The following ADAP1 variants were observed in gnomAD, a reference collection of about 807,000 sequenced individuals.
ADAP1 encodes ArfGAP with dual PH domains 1.
ADAP1 carries 31 observed loss-of-function variants against 54.9 expected under a neutral mutation model. The observed-to-expected ratio is 0.56, with a 90% confidence interval of 0.42 to 0.76. The LOEUF (loss-of-function observed/expected upper bound fraction) is 0.76, where lower values mean the gene tolerates loss of function less well. Among genes scored for constraint, ADAP1 ranks in the 30% least tolerant of loss-of-function variants. ADAP1 has a pLI of 0.00. For synonymous variants in ADAP1, 313 were observed against 202.6 expected (o/e 1.55, Z -4.63); for missense variants, 535 against 512.4 (o/e 1.04, Z -0.42).
chr7:898,310 G>A lies in ADAP1; in HGVS notation c.*611C>T, dbSNP rs548729010. ...CTGGGCGCAGAGGCCACGTGTGGTG[G>A]GACGGCAGCCTGCTGGCCCCTCCAG... On this transcript the variant is annotated 3_prime_UTR_variant, in exon 11 of 11. Coordinates refer to ENST00000265846, the MANE Select transcript of ADAP1 (RefSeq NM_006869.4). 1.1e-4 allele frequency: 18 copies of A among 164,918 alleles called. No homozygotes were observed. The East Asian group carries it at 3.1e-3, about 28-fold the overall frequency. 10.2% of individuals were successfully genotyped at this position (164,918 alleles called of 1,614,324 possible). A position where few individuals can be genotyped will look rare whatever the true frequency, so the allele number is the denominator to read the frequency against.
intron 6 of ADAP1, chr7:900,884 G>GGGCCGAAA: frequency 5.9e-6 from 3 of 512,264 alleles, no homozygotes; most frequent in Non-Finnish European, 1.1e-5. Flanking sequence ...AAGGGCCGAA[G>GGGCCGAAA]GGCCGGGCCG....
intron 4 of ADAP1, among the ~76,000 whole-genome samples, chr7:909,661 G>A (rs1232951922): frequency 6.6e-6 from 1 of 152,246 alleles, no homozygotes; most frequent in East Asian, 1.9e-4. Context: ...AGTGAGACGG[G>A]GCTTCTCCCC....
At chr7:905,247 A>G in intron 4 of ADAP1, 75 bp from the exon 5 acceptor site, 1 of 1,050,618 alleles carries the variant, frequency 9.5e-7, no homozygotes, top group Non-Finnish European at 1.4e-6. Flanking sequence ...GATGGACAGG[A>G]CAGAGGGGAC....
intron 1 of ADAP1, among the ~76,000 whole-genome samples, chr7:951,246 G>GACACA (rs1304874491): frequency 6.6e-6 from 1 of 151,952 alleles, no homozygotes; most frequent in Non-Finnish European, 1.5e-5. Flanking sequence ...GGTGGCGGGT[G>GACACA]CCTGTAGTCC....
chr7:906,490 GGGAAAGGAGAAAGGGAGAAAGGAGAAA>G (rs1562914394), intron 4 of ADAP1, among the ~76,000 whole-genome samples: 3 of 57,392 alleles, frequency 5.2e-5, no homozygotes, highest in African/African-American at 1.6e-4. Flanking sequence ...AAAGGAGAAA[GGGAAAGGAGAAAGGGAGAAAGGAGAAA>G]GGAGAAAGGG....
At chr7:899,314 T>C in intron 9 of ADAP1, 53 bp from the exon 10 acceptor site, 2 of 1,608,212 alleles carry the variant, frequency 1.2e-6, no homozygotes, top group Non-Finnish European at 8.5e-7. Context: ...CAGCCCCGCT[T>C]CACTCAGGCC....
intron 2 of ADAP1, among the ~76,000 whole-genome samples, chr7:929,277 G>C (rs1251993469): frequency 6.7e-6 from 1 of 149,318 alleles, no homozygotes; most frequent in Non-Finnish European, 1.5e-5. Context: ...GGCTGACAGA[G>C]CGAGACTCCA....
intron 4 of ADAP1, among the ~76,000 whole-genome samples, chr7:913,960 C>A (rs887894328): frequency 6.6e-6 from 1 of 152,294 alleles, no homozygotes; most frequent in African/African-American, 2.4e-5. Context: ...TTCAGAAAAG[C>A]CCGGTGGTGA....
rs1258238111 is a variant in ADAP1 at position 899,138 on chromosome 7, C to G, written c.991G>C (p.Asp331His). 1.9e-6 allele frequency: 3 copies of G among 1,610,326 alleles called. No individual in the cohort carries two copies. Among genetic ancestry groups the G allele is most frequent in the Non-Finnish European group, 2.5e-6 (3 of 1,179,958 alleles). Reference sequence around the variant, plus strand: ...TCGCAGGCAAACAGAAACTTGCGGTCGGGCGTGACGATGGTGATGCCATGT... The same window carrying G: ...TCGCAGGCAAACAGAAACTTGCGGTGGGGCGTGACGATGGTGATGCCATGT... Reference protein sequence around the residue: ...WPHGITIVTPDRKFLFACETE... With the variant: ...WPHGITIVTPHRKFLFACETE... The change falls in exon 10 of 11, where the codon GAC (aspartate) becomes CAC (histidine). Residue 331 changes from aspartate (D) to histidine (H), a missense_variant. Coordinates refer to ENST00000265846, the MANE Select transcript of ADAP1 (RefSeq NM_006869.4).
chr7:910,250 G>A (rs1034521986), intron 4 of ADAP1, among the ~76,000 whole-genome samples: 1 of 151,608 alleles, frequency 6.6e-6, no homozygotes, highest in Non-Finnish European at 1.5e-5. Flanking sequence ...TTCACATAAA[G>A]CCCACACCCG....
chr7:912,426 C>T (rs997096227), intron 4 of ADAP1, among the ~76,000 whole-genome samples: 1 of 152,180 alleles, frequency 6.6e-6, no homozygotes, highest in Non-Finnish European at 1.5e-5. Flanking sequence ...GGATAAACCC[C>T]CACATCTGGG....
chr7:910,814 C>T (rs968021806), intron 4 of ADAP1, among the ~76,000 whole-genome samples: 1 of 152,116 alleles, frequency 6.6e-6, no homozygotes, highest in Non-Finnish European at 1.5e-5. Flanking sequence ...GAGAACGGGG[C>T]CGAGGCCCTG....
rs374251947 is a variant in ADAP1, at chr7:951,190, T to C, written c.82+3206A>G. ...GAGACGGAGACCATCCTGGCTAACA[T>C]GGTGAAACCCCATCTCTACTAAAAA... On this transcript the variant is annotated intron_variant, in intron 1 of 10. Transcript: ENST00000265846. Among the ~76,000 whole-genome samples, 519 of 152,052 alleles carry C rather than the reference T, an allele frequency of 3.4e-3. 1 individual carries two copies. The highest frequency in any genetic ancestry group is 0.012 in the African/African-American group (482 of 41,474).
intron 4 of ADAP1, among the ~76,000 whole-genome samples, chr7:916,936 ACGGGAGGGGGGCGCAG>A: frequency 1.3e-5 from 2 of 149,526 alleles, no homozygotes; most frequent in African/African-American, 4.9e-5. Context: ...AGGGAGGTGC[ACGGGAGGGGGGCGCAG>A]TGCCAGCTCT....
chr7:930,142 A>C (rs1238502943), intron 2 of ADAP1, among the ~76,000 whole-genome samples: 1 of 150,212 alleles, frequency 6.7e-6, no homozygotes, highest in African/African-American at 2.5e-5. Context: ...CAGGCAGAGA[A>C]GGCCTATTTA....
At chr7:900,978 C>G (rs1352241657) in intron 6 of ADAP1, 1 of 517,712 alleles carries the variant, frequency 1.9e-6, no homozygotes, top group Non-Finnish European at 3.9e-6. Flanking sequence ...AACTTGCCTT[C>G]CTTTCAGATG....
intron 2 of ADAP1, among the ~76,000 whole-genome samples, chr7:931,917 C>T (rs546051340): frequency 3.3e-5 from 5 of 152,306 alleles, no homozygotes; most frequent in Admixed American, 2.0e-4. Context: ...GCTTAGCCCC[C>T]GGATGTCCCC....
chr7:940,865 G>GA (rs753221568), intron 1 of ADAP1, among the ~76,000 whole-genome samples: 46 of 151,098 alleles, frequency 3.0e-4, no homozygotes, highest in Admixed American at 5.3e-4. Context: ...GGTTAAAAAA[G>GA]AAAAAACATA....
At position 926,445 on chromosome 7, in the gene ADAP1, C is replaced by T. The variant is rs545176625; in HGVS notation, c.305+108G>A. The T allele has an allele frequency of 7.5e-4, 726 of 969,474 alleles. 6 individuals are homozygous for T. The African/African-American group carries it at 0.011, about 15-fold the overall frequency. 60.1% of individuals were successfully genotyped at this position (969,474 alleles called of 1,614,324 possible). ...GACGCAGCTGCGGCTGGCTTCTCCC[C>T]GACCCTGTGGGCGGCACCCAACTCC... On this transcript the variant is annotated intron_variant, in intron 3 of 10. Coordinates refer to ENST00000265846, the MANE Select transcript of ADAP1 (RefSeq NM_006869.4). The surrounding 1 kb of genome is among the most constrained non-coding windows in gnomAD (Gnocchi z 4.6).
Sources: allele counts gnomAD v4.1 joint callset (sites outside exome capture counted in the v4.1 genomes callset), GRCh38; gene constraint gnomAD v4.1.1; non-coding constraint Gnocchi (gnomAD v3.1); transcripts MANE v1.5; gene names NCBI Gene and HGNC (gene_info 2026-07-23, HGNC 2026-07-21).